LIN7A: variants seen among roughly 807,000 people sequenced by gnomAD.
LIN7A encodes lin-7 cell polarity scaffold A.
A neutral mutation model predicts 29.8 loss-of-function variants in LIN7A; 25 were observed. That is an observed-to-expected ratio of 0.84 (90% CI 0.61 to 1.17). The LOEUF is 1.17. Ranked by LOEUF, LIN7A falls within the 50% of genes most tolerant of loss-of-function variation. The pLI is 0.00. For missense variants in LIN7A, 239 were observed against 287.0 expected (o/e 0.83, Z 1.21); for synonymous variants, 118 against 107.5 (o/e 1.10, Z -0.60).
intron 1 of LIN7A, among the ~76,000 whole-genome samples, chr12:80,893,181 C>T (rs1875714342): frequency 6.6e-6 from 1 of 152,096 alleles, no homozygotes; most frequent in Non-Finnish European, 1.5e-5. Flanking sequence ...TTCTTTAATA[C>T]AGTGTGTAAC....
At chr12:80,802,649 T>A in intron 5 of LIN7A, among the ~76,000 whole-genome samples, 1 of 152,000 alleles carries the variant, frequency 6.6e-6, no homozygotes, top group East Asian at 1.9e-4. Flanking sequence ...TTTTCTTTTT[T>A]AAAATTTAAA....
intron 2 of LIN7A, among the ~76,000 whole-genome samples, chr12:80,877,174 C>G (rs1175796014): frequency 2.7e-5 from 4 of 148,986 alleles, no homozygotes; most frequent in Non-Finnish European, 3.0e-5. Context: ...CCAGAAATTC[C>G]ACATGTACAC....
chr12:80,836,474 T>A (rs750386403), intron 4 of LIN7A, among the ~76,000 whole-genome samples: 1 of 152,022 alleles, frequency 6.6e-6, no homozygotes, highest in Non-Finnish European at 1.5e-5. Flanking sequence ...TTGGGCAACA[T>A]AGTGAAAGCC....
At chr12:80,860,182 T>A (rs1272881325) in intron 2 of LIN7A, among the ~76,000 whole-genome samples, 1 of 152,222 alleles carries the variant, frequency 6.6e-6, no homozygotes, top group Non-Finnish European at 1.5e-5. Context: ...ATTTCCAGTG[T>A]TGATAGATAT....
chr12:80,865,246 T>A (rs1874078141), intron 2 of LIN7A, among the ~76,000 whole-genome samples: 1 of 152,192 alleles, frequency 6.6e-6, no homozygotes, highest in African/African-American at 2.4e-5. Flanking sequence ...GTTATCTCTG[T>A]GTATTACAAA....
chr12:80,927,928 A>T (rs375172204), intron 1 of LIN7A, among the ~76,000 whole-genome samples: 2 of 152,058 alleles, frequency 1.3e-5, no homozygotes, highest in Non-Finnish European at 2.9e-5. Flanking sequence ...TCATTGTTCA[A>T]TTCCCATCTA....
At chr12:80,869,520 G>A (rs1874317474) in intron 2 of LIN7A, among the ~76,000 whole-genome samples, 1 of 151,898 alleles carries the variant, frequency 6.6e-6, no homozygotes, top group African/African-American at 2.4e-5. Context: ...CAGAAGTGTG[G>A]GCAGAAAACC....
At chr12:80,918,017 T>C (rs564507922) in intron 1 of LIN7A, among the ~76,000 whole-genome samples, 10 of 152,248 alleles carry the variant, frequency 6.6e-5, no homozygotes, top group African/African-American at 2.4e-4. Flanking sequence ...ATTCATTTTA[T>C]GTACATTTCT....
intron 4 of LIN7A, among the ~76,000 whole-genome samples, chr12:80,840,406 C>T (rs111551760): frequency 1.4e-4 from 22 of 152,194 alleles, no homozygotes; most frequent in South Asian, 2.1e-4. Context: ...CCTGCGTGCA[C>T]GTGTGCACGT....
chr12:80,878,530 G>A (rs768090076), intron 2 of LIN7A, among the ~76,000 whole-genome samples: 5 of 152,140 alleles, frequency 3.3e-5, no homozygotes. Flanking sequence ...CTTAAAGGTG[G>A]CACAGACCCA....
At chr12:80,896,517 A>G (rs1239782675) in intron 1 of LIN7A, among the ~76,000 whole-genome samples, 1 of 152,242 alleles carries the variant, frequency 6.6e-6, no homozygotes, top group Non-Finnish European at 1.5e-5. Context: ...TTTAGAAGTT[A>G]CTAATGAGAC....
intron 2 of LIN7A, among the ~76,000 whole-genome samples, chr12:80,886,951 C>G (rs996710044): frequency 6.6e-6 from 1 of 152,050 alleles, no homozygotes; most frequent in Non-Finnish European, 1.5e-5. Context: ...CAACTTCTCC[C>G]CCAGCCTTCA....
Position 80,884,628 on chromosome 12 carries a change from G to A in LIN7A, c.201+4623C>T, listed in dbSNP as rs184957448. Among the ~76,000 whole-genome samples, 9 of 152,258 alleles carry A rather than the reference G, an allele frequency of 5.9e-5. No homozygotes were observed. In the East Asian group the frequency reaches 1.5e-3, roughly 26 times the overall value. On this transcript the variant is annotated intron_variant, in intron 2 of 5. Coordinates refer to ENST00000552864, the MANE Select transcript of LIN7A (RefSeq NM_004664.4). ...CATAACCATAGATAGCTTTAGATAGGACGGAGAAATTCAACTGTAGCATGC... is the reference window on the plus strand; with the variant it reads ...CATAACCATAGATAGCTTTAGATAGAACGGAGAAATTCAACTGTAGCATGC...
At chr12:80,934,566 G>A (rs868303906) in intron 1 of LIN7A, among the ~76,000 whole-genome samples, 16 of 152,116 alleles carry the variant, frequency 1.1e-4, no homozygotes, top group Non-Finnish European at 1.3e-4. Flanking sequence ...TTCAAATTTG[G>A]AAAGCAGTAA....
intron 4 of LIN7A, among the ~76,000 whole-genome samples, chr12:80,837,520 G>A (rs965657506): frequency 3.3e-5 from 5 of 152,062 alleles, no homozygotes; most frequent in African/African-American, 1.2e-4. Context: ...AAGCTGAAGG[G>A]AGCAAGGAAC....
intron 5 of LIN7A, among the ~76,000 whole-genome samples, chr12:80,803,945 G>A (rs1409644153): frequency 6.6e-6 from 1 of 152,136 alleles, no homozygotes; most frequent in Non-Finnish European, 1.5e-5. Flanking sequence ...ATATGAATAA[G>A]AGCAAGAGGC....
At chr12:80,890,143 C>A (rs1277870550) in intron 1 of LIN7A, among the ~76,000 whole-genome samples, 1 of 152,108 alleles carries the variant, frequency 6.6e-6, no homozygotes, top group Admixed American at 6.6e-5. Flanking sequence ...GTTAATGTAT[C>A]AAGAAACATG....
intron 2 of LIN7A, among the ~76,000 whole-genome samples, chr12:80,862,685 G>T (rs1313988026): frequency 6.6e-6 from 1 of 152,104 alleles, no homozygotes; most frequent in Non-Finnish European, 1.5e-5. Context: ...ATGATGAGGG[G>T]CCATTTGAAA....
intron 1 of LIN7A, among the ~76,000 whole-genome samples, chr12:80,931,516 G>T (rs774835268): frequency 6.6e-6 from 1 of 151,840 alleles, no homozygotes; most frequent in Non-Finnish European, 1.5e-5. Flanking sequence ...TGGTGGTGTT[G>T]CCTGTTGCCT....
Sources: allele counts gnomAD v4.1 joint callset (sites outside exome capture counted in the v4.1 genomes callset), GRCh38; gene constraint gnomAD v4.1.1; transcripts MANE v1.5; gene names NCBI Gene and HGNC (gene_info 2026-07-23, HGNC 2026-07-21).